The following INSYN2B variants were observed in gnomAD, a reference collection of about 807,000 sequenced individuals.
INSYN2B encodes the protein inhibitory synaptic factor family member 2B, also known as protein INSYN2B.
Under a neutral mutation model 41.2 loss-of-function variants are expected in INSYN2B, and 16 were observed. The observed-to-expected ratio is 0.39, with a 90% CI of 0.26 to 0.59. INSYN2B has a LOEUF of 0.59. INSYN2B is among the 20% of genes least tolerant of loss of function. The probability of loss-of-function intolerance (pLI) is 0.57; values close to 1 mark genes in which losing one functional copy is unlikely to be tolerated. For missense variants in INSYN2B, 608 were observed against 646.4 expected (o/e 0.94, Z 0.64); for synonymous variants, 245 against 244.4 (o/e 1.00, Z -0.02).
intron 1 of INSYN2B, among the ~76,000 whole-genome samples, chr5:169,966,866 T>C (rs1266588058): frequency 6.6e-6 from 1 of 152,246 alleles, no homozygotes; most frequent in Non-Finnish European, 1.5e-5. Context: ...TTTGGTCTAA[T>C]GTTTTTGAGG....
rs113301302 is a variant in INSYN2B at position 169,880,510 on chromosome 5, G to A, written c.1421+858C>T. Among the ~76,000 whole-genome samples, 56 of 152,306 alleles carry A rather than the reference G, an allele frequency of 3.7e-4. 1 individual carries two copies. Among genetic ancestry groups the A allele is most frequent in the African/African-American group, 1.2e-3 (51 of 41,562 alleles). ...ACTTTGGTCAACAAAATTAGATGTC[G>A]TCAACGGAAATTACTGCTTTTGACC... On this transcript the variant is annotated intron_variant, in intron 3 of 3. Coordinates refer to ENST00000377365, the MANE Select transcript of INSYN2B (RefSeq NM_001129891.3).
intron 1 of INSYN2B, among the ~76,000 whole-genome samples, chr5:169,973,748 A>T (rs2161368): frequency 1.1e-4 from 17 of 152,062 alleles, no homozygotes; most frequent in Non-Finnish European, 2.2e-4. Context: ...GGGTGTCCTC[A>T]GCCATAGAGA....
At chr5:169,913,186 G>T (rs1774702585) in intron 1 of INSYN2B, among the ~76,000 whole-genome samples, 1 of 152,214 alleles carries the variant, frequency 6.6e-6, no homozygotes, top group South Asian at 2.1e-4. Flanking sequence ...TGTTCTAGCG[G>T]AGTCGGAATG....
At chr5:169,875,896 A>G (rs1303110105) in intron 3 of INSYN2B, 1 of 152,304 alleles carries the variant, frequency 6.6e-6, no homozygotes, top group Non-Finnish European at 1.5e-5. Flanking sequence ...GAGTGTACTT[A>G]TGTCCCTTTG....
chr5:169,974,959 G>A (rs1777664590), intron 1 of INSYN2B, among the ~76,000 whole-genome samples: 1 of 152,118 alleles, frequency 6.6e-6, no homozygotes, highest in South Asian at 2.1e-4. Flanking sequence ...GGCTTCTCAG[G>A]TAGGCCCCCA....
chr5:169,963,220 T>G (rs375155674), intron 1 of INSYN2B, among the ~76,000 whole-genome samples: 5 of 152,174 alleles, frequency 3.3e-5, no homozygotes, highest in African/African-American at 1.2e-4. Context: ...GTGGTCCACG[T>G]GGGGTGGGTA....
At chr5:169,888,633 A>G (rs1425087032) in intron 1 of INSYN2B, among the ~76,000 whole-genome samples, 1 of 152,212 alleles carries the variant, frequency 6.6e-6, no homozygotes, top group Admixed American at 6.5e-5. Context: ...GTGAGGGGTT[A>G]AGTGCATAGG....
intron 1 of INSYN2B, among the ~76,000 whole-genome samples, chr5:169,950,417 C>G (rs1385255628): frequency 6.6e-6 from 1 of 152,202 alleles, no homozygotes; most frequent in Non-Finnish European, 1.5e-5. Context: ...TCTTTTTGGA[C>G]TTTCAAACAA....
chr5:169,978,551 A>C (rs1043200436), intron 1 of INSYN2B, among the ~76,000 whole-genome samples: 5 of 152,126 alleles, frequency 3.3e-5, no homozygotes, highest in Non-Finnish European at 7.3e-5. Flanking sequence ...GGGAGTGCTA[A>C]TCTCCTGATC....
At chr5:169,912,366 C>G (rs1323567477) in intron 1 of INSYN2B, among the ~76,000 whole-genome samples, 1 of 152,088 alleles carries the variant, frequency 6.6e-6, no homozygotes, top group African/African-American at 2.4e-5. Context: ...TTTACATGCC[C>G]TTTCTTATCA....
chr5:169,971,972 GC>G (rs1346566060), intron 1 of INSYN2B, among the ~76,000 whole-genome samples: 1 of 152,150 alleles, frequency 6.6e-6, no homozygotes, highest in Admixed American at 6.5e-5. Flanking sequence ...CCCTGCCCTT[GC>G]CCATGGCAGA....
At chr5:169,969,891 A>G (rs1777438268) in intron 1 of INSYN2B, among the ~76,000 whole-genome samples, 1 of 152,246 alleles carries the variant, frequency 6.6e-6, no homozygotes, top group South Asian at 2.1e-4. Context: ...CAAATGTCCA[A>G]GAGAAACTGA....
chr5:169,946,549 A>G lies in INSYN2B; in HGVS notation c.-919+33728T>C, dbSNP rs1455052689. On this transcript the variant is annotated intron_variant, in intron 1 of 3. Transcript: ENST00000377365. ...ACTGCAAAGAACTGGGGGATCTGGC[A>G]TAGTCACTCATCCATTCATTCATTC... is the stretch of plus-strand genomic sequence containing the variant. Among the ~76,000 whole-genome samples, 11 of 152,314 alleles carry G rather than the reference A, an allele frequency of 7.2e-5. No homozygotes were observed. In the East Asian group the frequency reaches 7.7e-4, roughly 11 times the overall value.
At chr5:169,970,401 C>T (rs1777459007) in intron 1 of INSYN2B, among the ~76,000 whole-genome samples, 1 of 152,212 alleles carries the variant, frequency 6.6e-6, no homozygotes, top group South Asian at 2.1e-4. Context: ...GGACAGCCCC[C>T]TGGCTGAAAT....
chr5:169,910,219 C>A (rs1184490351), intron 1 of INSYN2B, among the ~76,000 whole-genome samples: 2 of 152,144 alleles, frequency 1.3e-5, no homozygotes, highest in African/African-American at 4.8e-5. Context: ...AGAGGACAGT[C>A]ATCAGACAGG....
At chr5:169,886,357 T>C (rs1332815107) in intron 1 of INSYN2B, among the ~76,000 whole-genome samples, 2 of 152,196 alleles carry the variant, frequency 1.3e-5, no homozygotes, top group African/African-American at 4.8e-5. Flanking sequence ...TTCCAAACAA[T>C]GCAACTTTTA....
intron 1 of INSYN2B, among the ~76,000 whole-genome samples, chr5:169,894,661 C>T (rs1327777119): frequency 6.6e-6 from 1 of 152,176 alleles, no homozygotes; most frequent in African/African-American, 2.4e-5. Context: ...CATTAAAGAG[C>T]CCACTCTTCA....
chr5:169,944,279 G>C (rs569634485), intron 1 of INSYN2B, among the ~76,000 whole-genome samples: 1 of 152,332 alleles, frequency 6.6e-6, no homozygotes, highest in South Asian at 2.1e-4. Context: ...ATGCACAGAG[G>C]TGTCTGAAAG....
At chr5:169,967,247 G>A (rs2113757203) in intron 1 of INSYN2B, among the ~76,000 whole-genome samples, 1 of 152,360 alleles carries the variant, frequency 6.6e-6, no homozygotes, top group East Asian at 1.9e-4. Flanking sequence ...GCTAGTGGTG[G>A]AGAGAATCCC....
Sources: gnomAD v4.1 joint callset for allele counts (sites outside exome capture counted in the v4.1 genomes callset) on GRCh38, gnomAD v4.1.1 for gene constraint, MANE v1.5 for transcripts, NCBI Gene and HGNC (gene_info 2026-07-23, HGNC 2026-07-21) for gene names.